Variants in DHRSX observed in about 807,000 individuals in gnomAD.
DHRSX encodes the protein dehydrogenase/reductase X-linked, also known as polyprenol dehydrogenase.
A neutral mutation model predicts 34.0 loss-of-function variants in DHRSX; 31 were observed. The observed-to-expected ratio is 0.91, with a 90% CI of 0.69 to 1.23. The LOEUF (loss-of-function observed/expected upper bound fraction) is 1.23. Among genes scored for constraint, DHRSX ranks in the 50% most tolerant of loss-of-function variants. DHRSX has a pLI of 0.00. For missense variants in DHRSX, 414 were observed against 428.1 expected, an observed-to-expected ratio of 0.97 and a Z score of 0.29; for synonymous variants, 201 against 183.8, an observed-to-expected ratio of 1.09 and a Z score of -0.76.
At chrX:2,396,973 CA>C (rs2043420292) in intron 3 of DHRSX, among the ~76,000 whole-genome samples, 1 of 152,030 alleles carries the variant, frequency 6.6e-6, no homozygotes, top group South Asian at 2.1e-4. Flanking sequence ...TGGCTGAAAA[CA>C]GCTGAAATTC....
chrX:2,491,817 T>C (rs2045153844), intron 1 of DHRSX, among the ~76,000 whole-genome samples: 1 of 152,194 alleles, frequency 6.6e-6, no homozygotes, highest in South Asian at 2.1e-4. Flanking sequence ...CACACACCTG[T>C]GCAAACATCA....
intron 3 of DHRSX, among the ~76,000 whole-genome samples, chrX:2,352,153 AC>A (rs1351051764): frequency 1.3e-5 from 2 of 152,060 alleles, no homozygotes; most frequent in Non-Finnish European, 2.9e-5. Flanking sequence ...TATCCACAAA[AC>A]AGGAAGCTTA....
chrX:2,425,261 C>G lies in DHRSX; in HGVS notation c.153G>C (p.Gly51=). 6.2e-7 allele frequency: 1 copy of G among 1,613,866 alleles called. No homozygotes were observed. The highest frequency in any genetic ancestry group is 8.5e-7 in the Non-Finnish European group (1 of 1,179,846). Reference sequence around the variant, plus strand: ...CTGTAGAATAGCCAATGCCATCTGTCCCTCCCGTCACTATAGCGACACGGT... The same window carrying G: ...CTGTAGAATAGCCAATGCCATCTGTGCCTCCCGTCACTATAGCGACACGGT... ...RPDRVAIVTG[G]TDGIGYSTAK... Residue 51 remains glycine (G), a synonymous_variant, in exon 2 of 7, where the codon GGG becomes GGC. Transcript: ENST00000334651.
intron 3 of DHRSX, among the ~76,000 whole-genome samples, chrX:2,346,956 A>G (rs943117369): frequency 8.5e-5 from 13 of 152,132 alleles, no homozygotes; most frequent in African/African-American, 1.7e-4. Flanking sequence ...AGCTTCATCC[A>G]TGTCCCTGCA....
intron 3 of DHRSX, among the ~76,000 whole-genome samples, chrX:2,330,727 AAGT>A (rs1036623946): frequency 1.2e-4 from 18 of 149,670 alleles, no homozygotes; most frequent in Admixed American, 1.1e-3. Flanking sequence ...GGGAAGGAAG[AAGT>A]AGGAGGGGAA....
In DHRSX at chrX:2,296,119, C is replaced by T. The variant is rs183472003; in HGVS notation, c.287-4516G>A. Among the ~76,000 whole-genome samples the T allele has an allele frequency of 2.4e-3, 361 of 152,304 alleles. 1 individual carries two copies. Among genetic ancestry groups the T allele is most frequent in the Non-Finnish European group, 4.1e-3 (279 of 68,034 alleles). On this transcript the variant is annotated intron_variant, in intron 3 of 6. Transcript: ENST00000334651. Reference sequence around the variant, plus strand: ...AACGACAGTACCCATCATTGCACCTCCTCACTTGCATGACCAGTATGTTTT... The same window carrying T: ...AACGACAGTACCCATCATTGCACCTTCTCACTTGCATGACCAGTATGTTTT...
intron 3 of DHRSX, among the ~76,000 whole-genome samples, chrX:2,344,371 A>C (rs1463207316): frequency 6.6e-6 from 1 of 152,136 alleles, no homozygotes; most frequent in Admixed American, 6.6e-5. Flanking sequence ...GGATGTGGAG[A>C]AATAGGAACG....
At chrX:2,496,034 T>C (rs2045276018) in intron 1 of DHRSX, among the ~76,000 whole-genome samples, 1 of 152,166 alleles carries the variant, frequency 6.6e-6, no homozygotes, top group African/African-American at 2.4e-5. Context: ...GACAATCATT[T>C]TTCTTTTAAA....
chrX:2,500,822 T>C lies in DHRSX; in HGVS notation c.104A>G (p.Glu35Gly). Residue 35 changes from glutamate to glycine, a missense_variant, in exon 1 of 7, where the codon GAG (glutamate) becomes GGG (glycine). Glu to Gly is a moderately conservative substitution (Grantham distance 98). Transcript: ENST00000334651. ...CCCTGCCCCGCCCCGCTGACCTGGCTCCAGGAAGCCCCCGCGGCAGCGCCG... is the reference window on the plus strand; with the variant it reads ...CCCTGCCCCGCCCCGCTGACCTGGCCCCAGGAAGCCCCCGCGGCAGCGCCG... ...LLRRCRGGFLEPVFPPRPDRV... is the reference protein window; with the variant it reads ...LLRRCRGGFLGPVFPPRPDRV... 1 of 1,100,082 alleles carries C rather than the reference T, an allele frequency of 9.1e-7. No individual in the cohort carries two copies. The highest frequency in any genetic ancestry group is 1.1e-6 in the Non-Finnish European group (1 of 908,428). The allele number at this position is 1,100,082 out of a possible 1,614,324, so 68.1% of individuals were successfully genotyped here.
intron 1 of DHRSX, chrX:2,489,512 G>T (rs1569345124): frequency 1.2e-6 from 2 of 1,613,134 alleles, no homozygotes. Flanking sequence ...CTGCTTGAAG[G>T]GCTGCAGGAG....
intron 5 of DHRSX, among the ~76,000 whole-genome samples, chrX:2,264,294 C>G (rs1256395622): frequency 3.2e-4 from 40 of 123,092 alleles, no homozygotes; most frequent in African/African-American, 3.7e-4. Flanking sequence ...CAGAGCACCT[C>G]TACCCAGCAG....
chrX:2,482,404 C>CAA (rs1455946856), intron 1 of DHRSX, among the ~76,000 whole-genome samples: 1 of 151,984 alleles, frequency 6.6e-6, no homozygotes, highest in Non-Finnish European at 1.5e-5. Context: ...GCAGGTATTA[C>CAA]AAGCATGAGC....
At chrX:2,299,266 T>A (rs2041983041) in intron 3 of DHRSX, among the ~76,000 whole-genome samples, 1 of 152,134 alleles carries the variant, frequency 6.6e-6, no homozygotes, top group African/African-American at 2.4e-5. Flanking sequence ...ATAAAAATCT[T>A]AACCCTAACG....
intron 5 of DHRSX, among the ~76,000 whole-genome samples, chrX:2,258,984 G>A (rs1037913141): frequency 5.3e-5 from 8 of 152,072 alleles, no homozygotes; most frequent in Non-Finnish European, 1.0e-4. Context: ...CGAAAAAATA[G>A]GGGGAAGTGG....
chrX:2,395,796 G>A (rs1366379399), intron 3 of DHRSX, among the ~76,000 whole-genome samples: 1 of 152,106 alleles, frequency 6.6e-6, no homozygotes. Flanking sequence ...CCCATGACCT[G>A]GGGTCAGGAC....
At chrX:2,243,342 C>A in intron 5 of DHRSX, 112 bp from the exon 6 acceptor site, 1 of 834,042 alleles carries the variant, frequency 1.2e-6, no homozygotes, top group Admixed American at 2.6e-5. Flanking sequence ...GCAGCCACCT[C>A]CCCTAGACCC....
intron 1 of DHRSX, among the ~76,000 whole-genome samples, chrX:2,438,441 T>A (rs1469565469): frequency 1.3e-5 from 2 of 151,916 alleles, no homozygotes; most frequent in Non-Finnish European, 2.9e-5. Flanking sequence ...GAGGCTAAGG[T>A]GGGCTGATCA....
intron 2 of DHRSX, among the ~76,000 whole-genome samples, chrX:2,412,691 C>T (rs2043647044): frequency 6.6e-6 from 1 of 152,078 alleles, no homozygotes; most frequent in Non-Finnish European, 1.5e-5. Context: ...CCTAAGTGTC[C>T]ATCTAAGGAT....
chrX:2,415,755 T>C (rs1052028352), intron 2 of DHRSX, among the ~76,000 whole-genome samples: 6 of 147,738 alleles, frequency 4.1e-5, no homozygotes, highest in East Asian at 2.1e-4. Flanking sequence ...CATAACCTAA[T>C]TAGATCTCAT....
Sources: allele counts gnomAD v4.1 joint callset (sites outside exome capture counted in the v4.1 genomes callset), GRCh38; gene constraint gnomAD v4.1.1; transcripts MANE v1.5; gene names NCBI Gene and HGNC (gene_info 2026-07-23, HGNC 2026-07-21).